Variants in GBF1 observed in about 807,000 individuals in gnomAD.
GBF1 encodes the protein Golgi-specific brefeldin A-resistance guanine nucleotide exchange factor 1.
A neutral mutation model predicts 210.5 loss-of-function variants in GBF1; 114 were observed. The observed-to-expected ratio is 0.54, with a 90% CI of 0.47 to 0.63. The LOEUF is 0.63. GBF1 is among the 30% of genes least tolerant of loss of function. GBF1 has a pLI of 0.00. For synonymous variants in GBF1, 850 were observed against 889.2 expected (o/e 0.96, Z 0.78); for missense variants, 1,851 against 2,357.7 (o/e 0.79, Z 4.45).
At chr10:102,373,074 C>A (rs542346797) in intron 29 of GBF1, among the ~76,000 whole-genome samples, 1 of 152,116 alleles carries the variant, frequency 6.6e-6, no homozygotes, top group African/African-American at 2.4e-5. Flanking sequence ...GATGAAAAGA[C>A]AAGCTGTAGA....
chr10:102,312,428 G>T (rs981680580), intron 3 of GBF1, among the ~76,000 whole-genome samples: 4 of 152,124 alleles, frequency 2.6e-5, no homozygotes, highest in African/African-American at 9.7e-5. Context: ...TGTGTAGGTT[G>T]GTTGGCAAGC....
At chr10:102,277,212 A>G (rs2075069447) in intron 3 of GBF1, among the ~76,000 whole-genome samples, 1 of 152,132 alleles carries the variant, frequency 6.6e-6, no homozygotes, top group Non-Finnish European at 1.5e-5. Context: ...TGTTCCAGCT[A>G]CTTGGGAGGC....
In GBF1 at chr10:102,363,550, C is replaced by G. The variant is rs541981720; in HGVS notation, c.2017+154C>G. ...AGAGAGGGAAGCAAACATATGGACC[C>G]TCAGTTGATAGGACTTCCAGGGAAG... On this transcript the variant is annotated intron_variant, in intron 16 of 39. Coordinates refer to ENST00000369983, the MANE Select transcript of GBF1 (RefSeq NM_001377137.1). This position sits in a 1 kb window ranked among gnomAD's most constrained non-coding sequence, Gnocchi z 4.2. 2.6e-5 allele frequency among the ~76,000 whole-genome samples: 4 copies of G among 152,236 alleles called. No individual in the cohort carries two copies. Among genetic ancestry groups the G allele is most frequent in the Admixed American group, 2.6e-4 (4 of 15,288 alleles).
At chr10:102,327,450 T>C (rs1444780133) in intron 3 of GBF1, among the ~76,000 whole-genome samples, 2 of 152,202 alleles carry the variant, frequency 1.3e-5, no homozygotes, top group Non-Finnish European at 2.9e-5. Context: ...GAGACTTTTA[T>C]AGGAATGTAT....
chr10:102,360,086 C>T (rs948101004), intron 11 of GBF1, 98 bp from the exon 12 acceptor site: 1 of 787,864 alleles, frequency 1.3e-6, no homozygotes, highest in African/African-American at 1.7e-5. Context: ...AAGAGAATCA[C>T]TTACCTAAAA....
chr10:102,341,538 C>T (rs898076592), intron 3 of GBF1, among the ~76,000 whole-genome samples: 2 of 152,140 alleles, frequency 1.3e-5, no homozygotes, highest in African/African-American at 2.4e-5. Flanking sequence ...ACTGGAGATC[C>T]CACATGTCCT....
intron 3 of GBF1, among the ~76,000 whole-genome samples, chr10:102,309,736 T>C (rs1321063135): frequency 1.3e-5 from 2 of 152,350 alleles, no homozygotes; most frequent in East Asian, 3.9e-4. Flanking sequence ...TTTATGGATC[T>C]GGAATTTAAT....
chr10:102,376,316 G>A lies in GBF1; in HGVS notation c.3931G>A (p.Val1311Met), dbSNP rs751922343. The change falls in exon 31 of 40, where the codon GTG (valine) becomes ATG (methionine). Residue 1311 changes from valine (V) to methionine (M), a missense_variant. Around this residue, in one of 3 missense-constraint regions of GBF1, gnomAD observed 967 missense variants for 1,247.7 expected, o/e 0.78. Coordinates refer to ENST00000369983, the MANE Select transcript of GBF1 (RefSeq NM_001377137.1). ...GCTCCCATCCTACCATCAGAATGAC[G>A]TGAGCCTGGATCGAGGGTACACTTC... Reference protein sequence around the residue: ...SELPSYHQNDVSLDRGYTSDS... With the variant: ...SELPSYHQNDMSLDRGYTSDS... The A allele has an allele frequency of 3.7e-6, 6 of 1,613,928 alleles. No individual in the cohort carries two copies. Among genetic ancestry groups the A allele is most frequent in the Non-Finnish European group, 4.2e-6 (5 of 1,179,854 alleles).
At chr10:102,281,884 G>GT (rs1274120625) in intron 3 of GBF1, among the ~76,000 whole-genome samples, 1 of 150,566 alleles carries the variant, frequency 6.6e-6, no homozygotes, top group African/African-American at 2.4e-5. Context: ...CCACTTGGCT[G>GT]TAACAGTTTG....
Position 102,299,983 on chromosome 10 carries a change from A to G in GBF1, c.163+39867A>G, listed in dbSNP as rs141090029. The stretch of plus-strand genomic sequence containing the variant: ...TAGAATAAACTTTCACACCATCTGC[A>G]TGGGTATGGTCAGTAAATGTGAGAA... On this transcript the variant is annotated intron_variant, in intron 3 of 39. Coordinates refer to ENST00000369983, the MANE Select transcript of GBF1 (RefSeq NM_001377137.1). Among the ~76,000 whole-genome samples the G allele has an allele frequency of 4.5e-3, 681 of 152,294 alleles. 3 individuals carry two copies. The highest frequency in any genetic ancestry group is 0.01 in the Admixed American group (156 of 15,294).
Position 102,258,943 on chromosome 10 carries a change from T to G in GBF1, c.5T>G (p.Val2Gly). M[V>G]DKNIYIIQGE... ...TGTTTTGGTAGGTTTGCCAAGATGG[T>G]GGATAAGAATATTTACATCATTCAA... is the stretch of plus-strand genomic sequence containing the variant. Residue 2 changes from valine (V) to glycine (G), a missense_variant, in exon 2 of 40, where the codon GTG becomes GGG. This residue lies in a region of GBF1 where 804 missense variants were observed against 958.6 expected (regional missense o/e 0.84). Transcript: ENST00000369983. The G allele has an allele frequency of 6.3e-7, 1 of 1,585,026 alleles. No individual in the cohort carries two copies. Among genetic ancestry groups the G allele is most frequent in the Non-Finnish European group, 8.7e-7 (1 of 1,153,530 alleles).
In GBF1 at chr10:102,375,410, C is replaced by G; in HGVS notation, c.3712C>G (p.Arg1238Gly). 1 of 1,613,770 alleles carries G rather than the reference C, an allele frequency of 6.2e-7. No homozygotes were observed. The highest frequency in any genetic ancestry group is 8.5e-7 in the Non-Finnish European group (1 of 1,179,746). Residue 1238 changes from arginine (R) to glycine (G), a missense_variant, in exon 30 of 40, where the codon CGA becomes GGA. Arg to Gly is a moderately radical substitution (Grantham distance 125). Around this residue, in one of 3 missense-constraint regions of GBF1, gnomAD observed 967 missense variants for 1,247.7 expected, o/e 0.78. Transcript: ENST00000369983. ...ACTGATGAAGCCCAGTGTGCTATCC[C>G]GAGTCAGCCACCAGGTTGCGTATGG... ...LLLMKPSVLS[R>G]VSHQVAYGLH... is the part of the protein sequence containing the mutation.
chr10:102,231,639 G>C, the GBF1 span: 1 of 1,612,314 alleles, frequency 6.2e-7, no homozygotes, highest in Non-Finnish European at 8.5e-7. Flanking sequence ...CCTCGCGCGT[G>C]CTCATGTCGG....
At chr10:102,336,694 G>C (rs1173790934) in intron 3 of GBF1, among the ~76,000 whole-genome samples, 1 of 152,114 alleles carries the variant, frequency 6.6e-6, no homozygotes, top group Non-Finnish European at 1.5e-5. Context: ...ATTCTACCTA[G>C]AGCCCTTAGC....
At chr10:102,231,910 G>A in the GBF1 span, 3 of 1,550,984 alleles carry the variant, frequency 1.9e-6, no homozygotes, top group African/African-American at 4.1e-5. Flanking sequence ...GGTCCCACCC[G>A]CACTGGGGAT....
chr10:102,243,625 A>G (rs1216494964), upstream of GBF1, among the ~76,000 whole-genome samples: 2 of 152,224 alleles, frequency 1.3e-5, no homozygotes, highest in Non-Finnish European at 2.9e-5. Context: ...AGACAGGCCC[A>G]GGACACCAAC....
At chr10:102,230,944 G>A in the GBF1 span, 1 of 1,608,242 alleles carries the variant, frequency 6.2e-7, no homozygotes, top group African/African-American at 1.3e-5. Context: ...CGGGGCAAGA[G>A]CCTTGGGCGG....
intron 4 of GBF1, among the ~76,000 whole-genome samples, chr10:102,346,858 A>G (rs1181639546): frequency 6.6e-6 from 1 of 151,698 alleles, no homozygotes; most frequent in African/African-American, 2.4e-5. Context: ...CCTGTCCTTC[A>G]CTTCTTTTTT....
At chr10:102,377,752 TC>T (rs2060595161) in intron 33 of GBF1, among the ~76,000 whole-genome samples, 1 of 152,206 alleles carries the variant, frequency 6.6e-6, no homozygotes, top group East Asian at 1.9e-4. Context: ...TCCATTCCTG[TC>T]CCCAGCTTCT....
Sources: gnomAD v4.1 joint callset for allele counts (sites outside exome capture counted in the v4.1 genomes callset) on GRCh38, gnomAD v4.1.1 for gene constraint, gnomAD v4.1.1 regional missense constraint, Gnocchi (gnomAD v3.1) non-coding constraint, MANE v1.5 for transcripts, NCBI Gene and HGNC (gene_info 2026-07-23, HGNC 2026-07-21) for gene names.